Variants in DCC observed in about 807,000 individuals in gnomAD.
DCC encodes DCC netrin 1 receptor, also known as netrin receptor DCC.
DCC carries 58 observed loss-of-function variants against 172.5 expected under a neutral mutation model. The ratio of observed to expected loss-of-function variants is 0.34; its 90% CI spans 0.27 to 0.42. The LOEUF (loss-of-function observed/expected upper bound fraction) is 0.42. DCC is among the 10% of genes least tolerant of loss of function. The probability of loss-of-function intolerance (pLI) is 1.00; values close to 1 mark genes in which losing one functional copy is unlikely to be tolerated. For synonymous variants in DCC, 709 were observed against 644.5 expected (o/e 1.10, Z -1.52); for missense variants, 1,740 against 1,791.0 (o/e 0.97, Z 0.51).
chr18:52,931,851 G>T (rs2040312409), intron 5 of DCC: 1 of 152,086 alleles, frequency 6.6e-6, no homozygotes, highest in Non-Finnish European at 1.5e-5. Context: ...GTTCTGGGAA[G>T]ACTACAGAAA....
intron 5 of DCC, among the ~76,000 whole-genome samples, chr18:53,039,671 A>T (rs1487918531): frequency 2.0e-5 from 3 of 151,942 alleles, no homozygotes; most frequent in African/African-American, 7.2e-5. Context: ...CCTCACCTCC[A>T]CATCTCTCTG....
chr18:52,460,892 G>A (rs1433126280), intron 1 of DCC, among the ~76,000 whole-genome samples: 1 of 152,060 alleles, frequency 6.6e-6, no homozygotes, highest in Non-Finnish European at 1.5e-5. Flanking sequence ...TAAAGGCCTA[G>A]GACATGATGT....
chr18:53,157,547 G>C (rs1385546122), intron 8 of DCC, 35 bp downstream of exon 8: 1 of 1,610,300 alleles, frequency 6.2e-7, no homozygotes, highest in African/African-American at 1.3e-5. Flanking sequence ...CAGCTTAATC[G>C]GTCATCTCTT....
chr18:52,826,310 T>G (rs895232811), intron 2 of DCC, among the ~76,000 whole-genome samples: 1 of 152,176 alleles, frequency 6.6e-6, no homozygotes, highest in African/African-American at 2.4e-5. Flanking sequence ...GAGATAGGAT[T>G]AGGTGTCCCT....
intron 12 of DCC, among the ~76,000 whole-genome samples, chr18:53,280,225 A>G (rs777295422): frequency 2.2e-4 from 33 of 152,282 alleles, no homozygotes; most frequent in Middle Eastern, 3.4e-3. Flanking sequence ...GTTATAAGCA[A>G]ACTGTTATTT....
chr18:53,429,502 TA>T, intron 21 of DCC, among the ~76,000 whole-genome samples: 1 of 152,060 alleles, frequency 6.6e-6, no homozygotes, highest in Non-Finnish European at 1.5e-5. Flanking sequence ...TAAGGATTTT[TA>T]AAAAATGAAT....
chr18:52,710,325 C>T (rs1420331804), intron 1 of DCC, among the ~76,000 whole-genome samples: 1 of 152,178 alleles, frequency 6.6e-6, no homozygotes, highest in Non-Finnish European at 1.5e-5. Context: ...GAGCTATGCT[C>T]ATGTCACTGC....
rs144483001 is a variant in DCC at position 52,344,223 on chromosome 18, C to T, written c.91+3345C>T. ...TTCATTGAAGAGGAAGAGCCTTAAT[C>T]CTACCTAAATTCCTGAATGAAGCTC... On this transcript the variant is annotated intron_variant, in intron 1 of 28. Coordinates refer to ENST00000442544, the MANE Select transcript of DCC (RefSeq NM_005215.4). 4.5e-3 allele frequency among the ~76,000 whole-genome samples: 685 copies of T among 152,310 alleles called. 6 individuals are homozygous for T. Among genetic ancestry groups the T allele is most frequent in the Non-Finnish European group, 6.4e-3 (435 of 68,028 alleles).
intron 27 of DCC, among the ~76,000 whole-genome samples, chr18:53,513,165 T>G (rs1218143414): frequency 6.6e-6 from 1 of 152,016 alleles, no homozygotes; most frequent in Admixed American, 6.5e-5. Flanking sequence ...TTCAACATTC[T>G]TAAAGAAAAG....
intron 5 of DCC, among the ~76,000 whole-genome samples, chr18:52,957,557 T>C (rs1157518064): frequency 2.0e-5 from 3 of 152,176 alleles, no homozygotes; most frequent in African/African-American, 4.8e-5. Context: ...CTGCATTTTA[T>C]AGACATATTT....
intron 5 of DCC, among the ~76,000 whole-genome samples, chr18:52,925,965 C>A (rs1025265141): frequency 2.0e-5 from 3 of 151,304 alleles, no homozygotes; most frequent in African/African-American, 7.3e-5. Context: ...ACAAATAATT[C>A]TTCTACATGG....
At chr18:53,506,885 G>A (rs1184185741) in intron 27 of DCC, among the ~76,000 whole-genome samples, 2 of 150,680 alleles carry the variant, frequency 1.3e-5, no homozygotes, top group East Asian at 3.9e-4. Context: ...AGGAGGAGGA[G>A]TGTGGATCAG....
chr18:52,398,375 T>A (rs1428806410), intron 1 of DCC, among the ~76,000 whole-genome samples: 3 of 151,970 alleles, frequency 2.0e-5, no homozygotes, highest in Non-Finnish European at 4.4e-5. Context: ...CATCTGTGGG[T>A]TTTTTCCCAA....
intron 7 of DCC, among the ~76,000 whole-genome samples, chr18:53,066,874 A>G (rs2042578464): frequency 6.6e-6 from 1 of 152,050 alleles, no homozygotes; most frequent in Admixed American, 6.6e-5. Context: ...AGGAAACTTG[A>G]GATTATGGCG....
At position 52,348,206 on chromosome 18, in the gene DCC, A is replaced by G. The variant is rs1486153835; in HGVS notation, c.91+7328A>G. On this transcript the variant is annotated intron_variant, in intron 1 of 28. Transcript: ENST00000442544. ...GTATAATACTTCATGATATTAATTAACCATAGTTTATCTAATCTATTGTTG... is the reference window on the plus strand; with the variant it reads ...GTATAATACTTCATGATATTAATTAGCCATAGTTTATCTAATCTATTGTTG... Among the ~76,000 whole-genome samples, 3 of 152,180 alleles carry G rather than the reference A, an allele frequency of 2.0e-5. No individual in the cohort carries two copies. In the South Asian group the frequency reaches 6.2e-4, roughly 31 times the overall value.
At chr18:53,267,744 G>A (rs1365836890) in intron 12 of DCC, among the ~76,000 whole-genome samples, 1 of 152,140 alleles carries the variant, frequency 6.6e-6, no homozygotes, top group African/African-American at 2.4e-5. Flanking sequence ...AGGATTAAAG[G>A]TGTAAGCCAA....
intron 22 of DCC, among the ~76,000 whole-genome samples, chr18:53,439,684 T>C (rs1043223566): frequency 1.2e-4 from 18 of 152,082 alleles, no homozygotes; most frequent in African/African-American, 2.2e-4. Context: ...CTTAATTAAA[T>C]GGTAGAACTG....
chr18:53,434,540 T>G (rs1303339110), intron 21 of DCC, among the ~76,000 whole-genome samples: 1 of 152,208 alleles, frequency 6.6e-6, no homozygotes, highest in East Asian at 1.9e-4. Context: ...AATAATGCTA[T>G]ACTGAAGGAG....
At chr18:52,858,921 C>T (rs1198938604) in intron 2 of DCC, among the ~76,000 whole-genome samples, 1 of 152,144 alleles carries the variant, frequency 6.6e-6, no homozygotes, top group Non-Finnish European at 1.5e-5. Context: ...GTTCCATTCT[C>T]AAGAAAGCAC....
Sources: allele counts gnomAD v4.1 joint callset (sites outside exome capture counted in the v4.1 genomes callset), GRCh38; gene constraint gnomAD v4.1.1; transcripts MANE v1.5; gene names NCBI Gene and HGNC (gene_info 2026-07-23, HGNC 2026-07-21).